EDIL3: variants seen among roughly 807,000 people sequenced by gnomAD.
EDIL3 encodes the protein EGF-like repeat and discoidin I-like domain-containing protein 3.
EDIL3 carries 37 observed loss-of-function variants against 67.4 expected under a neutral mutation model. The observed-to-expected ratio is 0.55, with a 90% CI of 0.42 to 0.72. The LOEUF (loss-of-function observed/expected upper bound fraction) is 0.72. Ranked by LOEUF, EDIL3 falls within the 30% of genes least tolerant of loss-of-function variation. The pLI, the probability that EDIL3 is intolerant of heterozygous loss-of-function variation, is 0.00. For synonymous variants in EDIL3, 195 were observed against 196.3 expected (o/e 0.99, Z 0.05); for missense variants, 527 against 586.3 (o/e 0.90, Z 1.04).
rs531771513 is a variant in EDIL3, at chr5:84,180,915, G to A, written c.227-394C>T. Among the ~76,000 whole-genome samples, 5 of 152,314 alleles carry A rather than the reference G, an allele frequency of 3.3e-5. No homozygotes were observed. The East Asian group carries it at 9.6e-4, about 29-fold the overall frequency. On this transcript the variant is annotated intron_variant, in intron 3 of 10. Transcript: ENST00000296591. ...TAGATATTATTAAAATTTCTGAATTGTAGAATACCTTCTGGGTGTTTAAAA... is the reference window on the plus strand; with the variant it reads ...TAGATATTATTAAAATTTCTGAATTATAGAATACCTTCTGGGTGTTTAAAA...
intron 9 of EDIL3, among the ~76,000 whole-genome samples, chr5:83,992,004 A>G (rs1442248502): frequency 6.6e-6 from 1 of 152,196 alleles, no homozygotes; most frequent in Non-Finnish European, 1.5e-5. Flanking sequence ...TATGTGCTGC[A>G]CATACTGATG....
chr5:84,351,940 AC>A (rs1747369976), intron 1 of EDIL3, among the ~76,000 whole-genome samples: 1 of 152,106 alleles, frequency 6.6e-6, no homozygotes, highest in African/African-American at 2.4e-5. Context: ...ACAGAGCTCA[AC>A]AAGAAAAAGA....
chr5:83,971,562 G>GT (rs1171035806), intron 9 of EDIL3, among the ~76,000 whole-genome samples: 3 of 151,146 alleles, frequency 2.0e-5, no homozygotes, highest in African/African-American at 2.4e-5. Context: ...AAATTTGGTT[G>GT]TTTTTTTTAT....
chr5:84,054,562 A>G (rs188420155), intron 9 of EDIL3, among the ~76,000 whole-genome samples: 1 of 152,056 alleles, frequency 6.6e-6, no homozygotes, highest in African/African-American at 2.4e-5. Flanking sequence ...AGAAAACCCT[A>G]TCATCTCAGC....
chr5:84,279,825 T>C (rs1745661533), intron 1 of EDIL3, among the ~76,000 whole-genome samples: 1 of 152,190 alleles, frequency 6.6e-6, no homozygotes, highest in African/African-American at 2.4e-5. Context: ...ATTTTACTGC[T>C]GCACATTCTC....
chr5:84,264,684 T>C (rs545406802), intron 1 of EDIL3, among the ~76,000 whole-genome samples: 25 of 152,258 alleles, frequency 1.6e-4, no homozygotes, highest in Non-Finnish European at 2.4e-4. Flanking sequence ...ACCCAGAAAA[T>C]TGTTCTTTCA....
At chr5:84,222,029 A>G (rs1744353331) in intron 3 of EDIL3, among the ~76,000 whole-genome samples, 1 of 151,976 alleles carries the variant, frequency 6.6e-6, no homozygotes, top group Admixed American at 6.6e-5. Flanking sequence ...GAATAAATTG[A>G]GCATAGTCAG....
At chr5:83,950,723 C>A (rs1158314367) in intron 10 of EDIL3, among the ~76,000 whole-genome samples, 2 of 151,778 alleles carry the variant, frequency 1.3e-5, no homozygotes, top group African/African-American at 2.4e-5. Flanking sequence ...ATCAAACAAC[C>A]AGTGTTACTT....
intron 9 of EDIL3, among the ~76,000 whole-genome samples, chr5:84,035,601 T>A (rs1746007897): frequency 6.6e-6 from 1 of 152,192 alleles, no homozygotes; most frequent in Non-Finnish European, 1.5e-5. Context: ...GTATGTGGGT[T>A]AATGTAACAA....
intron 1 of EDIL3, among the ~76,000 whole-genome samples, chr5:84,257,608 T>G (rs533249921): frequency 6.6e-6 from 1 of 152,220 alleles, no homozygotes; most frequent in African/African-American, 2.4e-5. Flanking sequence ...GCCTGGATGA[T>G]TGAGTAGCCA....
intron 1 of EDIL3, among the ~76,000 whole-genome samples, chr5:84,289,150 TAAACAAAC>T (rs762505005): frequency 1.3e-5 from 2 of 152,164 alleles, no homozygotes; most frequent in Non-Finnish European, 2.9e-5. Context: ...TGGGAATATA[TAAACAAAC>T]AAACAAATAA....
chr5:84,075,949 A>T (rs746066011), intron 6 of EDIL3, among the ~76,000 whole-genome samples: 777 of 58,164 alleles, frequency 0.013, 6 homozygotes, highest in African/African-American at 0.054. Flanking sequence ...TGTGGGTTTT[A>T]TATATATATA....
chr5:83,956,383 GA>G, intron 10 of EDIL3, among the ~76,000 whole-genome samples: 1 of 151,694 alleles, frequency 6.6e-6, no homozygotes, highest in Non-Finnish European at 1.5e-5. Context: ...TCTTGTTTTT[GA>G]CCCCAGGCCT....
At chr5:84,139,010 C>T (rs1052366901) in intron 4 of EDIL3, among the ~76,000 whole-genome samples, 5 of 152,118 alleles carry the variant, frequency 3.3e-5, no homozygotes, top group Admixed American at 6.6e-5. Flanking sequence ...CAGGCCAAGG[C>T]GGGTGGATCA....
intron 3 of EDIL3, among the ~76,000 whole-genome samples, chr5:84,186,361 A>T (rs1743450201): frequency 6.6e-6 from 1 of 152,094 alleles, no homozygotes. Flanking sequence ...AATAACATTT[A>T]TTCATTAAGT....
At chr5:84,093,510 C>T (rs1018269141) in intron 6 of EDIL3, among the ~76,000 whole-genome samples, 3 of 152,060 alleles carry the variant, frequency 2.0e-5, no homozygotes, top group Non-Finnish European at 4.4e-5. Context: ...AGACTGGAAG[C>T]TGGTCAATAG....
chr5:84,190,986 T>C (rs903310655), intron 3 of EDIL3, among the ~76,000 whole-genome samples: 1 of 151,994 alleles, frequency 6.6e-6, no homozygotes, highest in African/African-American at 2.4e-5. Flanking sequence ...TGTCAGCATA[T>C]AACCCAAACT....
Position 84,180,451 on chromosome 5 carries a change from T to G in EDIL3, c.297A>C (p.Thr99=), listed in dbSNP as rs752117404. The G allele has an allele frequency of 1.2e-6, 2 of 1,610,094 alleles. No homozygotes were observed. The highest frequency in any genetic ancestry group is 2.7e-5 in the African/African-American group (2 of 74,920). ...CEISEAYRGD[T]FIGYVCKCPR... ...GACATTTACAAACATAGCCTATGAATGTATCCCCTCGGTATGCTTCACTTA... is the reference window on the plus strand; with the variant it reads ...GACATTTACAAACATAGCCTATGAAGGTATCCCCTCGGTATGCTTCACTTA... Residue 99 remains threonine, a synonymous_variant, in exon 4 of 11, where the codon ACA becomes ACC. Coordinates refer to ENST00000296591, the MANE Select transcript of EDIL3 (RefSeq NM_005711.5).
In EDIL3 at chr5:84,110,453, G is replaced by A. The variant is rs143335501; in HGVS notation, c.470-3623C>T. On this transcript the variant is annotated intron_variant, in intron 5 of 10. Coordinates refer to ENST00000296591, the MANE Select transcript of EDIL3 (RefSeq NM_005711.5). ...GACCTTAAGCAATTAATAACAGGAT[G>A]CTTAAAAAGAAAGATAATATGAAAA... Among the ~76,000 whole-genome samples, 514 of 152,238 alleles carry A rather than the reference G, an allele frequency of 3.4e-3. 3 individuals carry two copies. The highest frequency in any genetic ancestry group is 0.012 in the African/African-American group (489 of 41,546).
Sources: gnomAD v4.1 joint callset for allele counts (sites outside exome capture counted in the v4.1 genomes callset) on GRCh38, gnomAD v4.1.1 for gene constraint, MANE v1.5 for transcripts, NCBI Gene and HGNC (gene_info 2026-07-23, HGNC 2026-07-21) for gene names.